Variants in STARD13 observed in about 807,000 individuals in gnomAD.
STARD13 encodes the protein StAR related lipid transfer domain containing 13.
In STARD13, 62 loss-of-function variants were observed where a neutral mutation model predicts 106.4. The observed-to-expected ratio is 0.58, with a 90% confidence interval of 0.48 to 0.72. STARD13 has a LOEUF of 0.72. Ranked by LOEUF, STARD13 falls within the 30% of genes least tolerant of loss-of-function variation. The pLI, the probability that STARD13 is intolerant of heterozygous loss-of-function variation, is 0.00. For synonymous variants in STARD13, 565 were observed against 553.0 expected (o/e 1.02, Z -0.31); for missense variants, 1,387 against 1,424.0 (o/e 0.97, Z 0.42).
In STARD13 at chr13:33,111,968, T is replaced by C. The variant is rs79448326; in HGVS notation, c.2493-76A>G. 1,627 of 924,102 alleles carry C rather than the reference T, an allele frequency of 1.8e-3. 22 individuals are homozygous for C. The African/African-American group carries it at 0.023, about 13-fold the overall frequency. The allele number at this position is 924,102 out of a possible 1,614,324, so 57.2% of individuals were successfully genotyped here. On this transcript the variant is annotated intron_variant, in intron 9 of 13. Coordinates refer to ENST00000336934, the MANE Select transcript of STARD13 (RefSeq NM_178006.4). ...CACAATACCAAACTCATCCCTTTTG[T>C]TTTCTGTTTATACCCAGATGCTATC...
At chr13:33,144,328 G>A (rs1471805288) in intron 3 of STARD13, among the ~76,000 whole-genome samples, 5 of 151,986 alleles carry the variant, frequency 3.3e-5, no homozygotes, top group African/African-American at 4.8e-5. Flanking sequence ...ATCTACATTC[G>A]TTGATCACCA....
the STARD13 span, among the ~76,000 whole-genome samples, chr13:33,440,060 T>G: frequency 1.6e-3 from 249 of 152,234 alleles, no homozygotes; most frequent in African/African-American, 5.9e-3. Flanking sequence ...GTTCCAGGCT[T>G]GAGCCGAGGA....
chr13:33,263,320 T>C (rs1036646815), intron 1 of STARD13, among the ~76,000 whole-genome samples: 4 of 152,144 alleles, frequency 2.6e-5, no homozygotes, highest in Non-Finnish European at 5.9e-5. Context: ...AAATTGTACC[T>C]GCTTGCAAGC....
At chr13:33,362,845 G>C in the STARD13 span, among the ~76,000 whole-genome samples, 2 of 152,204 alleles carry the variant, frequency 1.3e-5, no homozygotes, top group African/African-American at 4.8e-5. Flanking sequence ...ATAAGAGCAA[G>C]GACCTTGTCT....
At chr13:33,624,034 A>C in the STARD13 span, among the ~76,000 whole-genome samples, 18,432 of 152,220 alleles carry the variant, frequency 0.12, 2,822 homozygotes, top group African/African-American at 0.36. Flanking sequence ...TAAATTACAA[A>C]CATTTTGGCA....
rs187420758 is a variant in STARD13, at chr13:33,137,076, C to T, written c.387+5234G>A. ...TTTGATTATATTTATCAGTACTCACCTTTGTGTCAGTTGAGCCTAACAATA... is the reference window on the plus strand; with the variant it reads ...TTTGATTATATTTATCAGTACTCACTTTTGTGTCAGTTGAGCCTAACAATA... On this transcript the variant is annotated intron_variant, in intron 4 of 13. Transcript: ENST00000336934. Among the ~76,000 whole-genome samples, 979 of 152,312 alleles carry T rather than the reference C, an allele frequency of 6.4e-3. 9 individuals are homozygous for T. Among genetic ancestry groups the T allele is most frequent in the Admixed American group, 0.013 (192 of 15,302 alleles).
At chr13:33,508,421 T>A in the STARD13 span, among the ~76,000 whole-genome samples, 5 of 152,146 alleles carry the variant, frequency 3.3e-5, no homozygotes, top group African/African-American at 4.8e-5. Context: ...TGGAAAAAAA[T>A]GTATACTGAT....
At chr13:33,229,782 TC>T (rs1888816943) in intron 1 of STARD13, among the ~76,000 whole-genome samples, 2 of 152,220 alleles carry the variant, frequency 1.3e-5, no homozygotes, top group South Asian at 4.1e-4. Flanking sequence ...TCCCTACGCA[TC>T]ACCCTGGCCC....
At chr13:33,487,811 A>G in the STARD13 span, among the ~76,000 whole-genome samples, 4 of 152,196 alleles carry the variant, frequency 2.6e-5, no homozygotes, top group Admixed American at 1.3e-4. Flanking sequence ...GCTTATACTT[A>G]TGCTGCAGTG....
At chr13:33,539,586 G>A in the STARD13 span, among the ~76,000 whole-genome samples, 2 of 152,126 alleles carry the variant, frequency 1.3e-5, no homozygotes, top group Non-Finnish European at 2.9e-5. Flanking sequence ...TCAGAAGATC[G>A]GCAGATTTTT....
At chr13:33,387,225 G>A in the STARD13 span, among the ~76,000 whole-genome samples, 1 of 152,098 alleles carries the variant, frequency 6.6e-6, no homozygotes, top group Non-Finnish European at 1.5e-5. Context: ...TGCTGGTCTT[G>A]AACTTCTGGC....
chr13:33,571,166 G>A, the STARD13 span, among the ~76,000 whole-genome samples: 3 of 152,218 alleles, frequency 2.0e-5, no homozygotes, highest in East Asian at 5.8e-4. Context: ...GACATCTCCT[G>A]CTCTCCAAAG....
At chr13:33,614,884 C>G in the STARD13 span, among the ~76,000 whole-genome samples, 12 of 152,088 alleles carry the variant, frequency 7.9e-5, no homozygotes, top group Non-Finnish European at 1.5e-4. Context: ...AGGCAGGCAC[C>G]GATCACATGG....
the STARD13 span, among the ~76,000 whole-genome samples, chr13:33,455,041 G>C: frequency 2.0e-5 from 3 of 152,176 alleles, no homozygotes; most frequent in Non-Finnish European, 2.9e-5. Flanking sequence ...TGTAAGTAAA[G>C]GAACTTTTAA....
chr13:33,538,201 C>T, the STARD13 span, among the ~76,000 whole-genome samples: 5 of 152,140 alleles, frequency 3.3e-5, no homozygotes, highest in South Asian at 4.1e-4. Flanking sequence ...CTTGAGAGGG[C>T]AAGATCCCGA....
chr13:33,661,946 G>C, the STARD13 span, among the ~76,000 whole-genome samples: 1 of 151,996 alleles, frequency 6.6e-6, no homozygotes, highest in East Asian at 1.9e-4. Flanking sequence ...ATACATATAG[G>C]TTCACAAATA....
intron 1 of STARD13, among the ~76,000 whole-genome samples, chr13:33,260,903 C>T (rs1367127404): frequency 6.6e-6 from 1 of 152,118 alleles, no homozygotes; most frequent in Non-Finnish European, 1.5e-5. Context: ...ACACTTATTC[C>T]TCTGAACTCC....
At chr13:33,203,366 C>T (rs569665162) in intron 1 of STARD13, among the ~76,000 whole-genome samples, 33 of 152,286 alleles carry the variant, frequency 2.2e-4, no homozygotes, top group African/African-American at 7.9e-4. Context: ...TGCTGCTATG[C>T]TATCAGTTTT....
Position 33,104,075 on chromosome 13 carries a change from A to AT in STARD13, c.*1517_*1518insA, listed in dbSNP as rs1873403114. ...AACATTACATAAATGCATATAATGC[A>AT]AAAAAACCTGAAAACACTCATTTGC... On this transcript the variant is annotated 3_prime_UTR_variant, in exon 14 of 14. Transcript: ENST00000336934. The AT allele has an allele frequency of 6.6e-6, 1 of 152,228 alleles. No homozygotes were observed. Among genetic ancestry groups the AT allele is most frequent in the African/African-American group, 2.4e-5 (1 of 41,460 alleles). 9.4% of individuals were successfully genotyped at this position (152,228 alleles called of 1,614,324 possible). A position where few individuals can be genotyped will look rare whatever the true frequency, so the allele number is the denominator to read the frequency against.
Sources: gnomAD v4.1 joint callset for allele counts (sites outside exome capture counted in the v4.1 genomes callset) on GRCh38, gnomAD v4.1.1 for gene constraint, MANE v1.5 for transcripts, NCBI Gene and HGNC (gene_info 2026-07-23, HGNC 2026-07-21) for gene names.